The following PCYOX1 variants were observed in gnomAD, a reference collection of about 807,000 sequenced individuals.
PCYOX1 encodes prenylcysteine lyase.
In PCYOX1, 46 loss-of-function variants were observed where a neutral mutation model predicts 46.4. The observed-to-expected ratio is 0.99, with a 90% confidence interval of 0.78 to 1.27. The LOEUF is 1.27. Ranked by LOEUF, PCYOX1 falls within the 50% of genes most tolerant of loss-of-function variation. The pLI, the probability that PCYOX1 is intolerant of heterozygous loss-of-function variation, is 0.00. For missense variants in PCYOX1, 658 were observed against 628.3 expected, an observed-to-expected ratio of 1.05 and a Z score of -0.51; for synonymous variants, 220 against 231.8, an observed-to-expected ratio of 0.95 and a Z score of 0.46.
Position 70,279,157 on chromosome 2 carries a change from AC to A in PCYOX1, c.*1766del, listed in dbSNP as rs1696728042. 6.6e-6 allele frequency: 1 copy of A among 152,044 alleles called. No individual in the cohort carries two copies. Among genetic ancestry groups the A allele is most frequent in the Non-Finnish European group, 1.5e-5 (1 of 68,008 alleles). The allele number at this position is 152,044 out of a possible 1,614,324, so 9.4% of individuals were successfully genotyped here. On this transcript the variant is annotated 3_prime_UTR_variant, in exon 6 of 6. Coordinates refer to ENST00000433351, the MANE Select transcript of PCYOX1 (RefSeq NM_016297.4). ...CCTTCATCAGATCATGGCATTAGCT[AC>A]TTTAGCAAAATAGTGTAAACTTTGG...
At chr2:70,270,946 C>T (rs558326972) in intron 3 of PCYOX1, among the ~76,000 whole-genome samples, 2 of 152,254 alleles carry the variant, frequency 1.3e-5, no homozygotes, top group South Asian at 2.1e-4. Context: ...AGGCTGGTCT[C>T]GAACTCCTGA....
rs1696765511 is a variant in PCYOX1 at position 70,280,979 on chromosome 2, T to C, written c.*3587T>C. The C allele has an allele frequency of 6.6e-6, 1 of 152,216 alleles. No individual in the cohort carries two copies. Among genetic ancestry groups the C allele is most frequent in the African/African-American group, 2.4e-5 (1 of 41,452 alleles). The allele number at this position is 152,216 out of a possible 1,614,324, so 9.4% of individuals were successfully genotyped here. On this transcript the variant is annotated 3_prime_UTR_variant, in exon 6 of 6. Transcript: ENST00000433351. ...ATTAGGTTTATAATACAACCATCTG[T>C]AATGTATCTCTCGTTTGAGCTTGTG...
At chr2:70,269,024 G>T (rs928269662) in intron 3 of PCYOX1, among the ~76,000 whole-genome samples, 1 of 151,994 alleles carries the variant, frequency 6.6e-6, no homozygotes, top group Non-Finnish European at 1.5e-5. Flanking sequence ...CTAATACACT[G>T]TTGTCATTTT....
At chr2:70,266,392 T>G (rs566611298) in intron 3 of PCYOX1, among the ~76,000 whole-genome samples, 124 of 152,166 alleles carry the variant, frequency 8.1e-4, no homozygotes, top group Non-Finnish European at 1.5e-3. Flanking sequence ...ACCAGCCTTG[T>G]GCACACCTTG....
chr2:70,273,855 T>C (rs1346914701), intron 3 of PCYOX1, among the ~76,000 whole-genome samples: 1 of 152,220 alleles, frequency 6.6e-6, no homozygotes, highest in East Asian at 1.9e-4. Context: ...ATCTAATTGT[T>C]GAATGAGTGG....
Position 70,276,939 on chromosome 2 carries a change from T to G in PCYOX1, c.1065T>G (p.Ser355=), listed in dbSNP as rs1559038211. 1.2e-6 allele frequency: 2 copies of G among 1,611,906 alleles called. No individual in the cohort carries two copies. Among genetic ancestry groups the G allele is most frequent in the Non-Finnish European group, 1.7e-6 (2 of 1,177,986 alleles). ...TAGTTAAGGGGGAATTGAATACATC[T>G]ATCTTTAGCTCTAGACCCATAGATA... ...TTLVKGELNT[S]IFSSRPIDKF... Residue 355 remains serine (S), a synonymous_variant, in exon 6 of 6, where the codon TCT becomes TCG. Transcript: ENST00000433351.
chr2:70,273,518 T>A (rs997511232), intron 3 of PCYOX1, among the ~76,000 whole-genome samples: 2 of 152,240 alleles, frequency 1.3e-5, no homozygotes, highest in Non-Finnish European at 2.9e-5. Flanking sequence ...AAAAACTTGA[T>A]GTGAAAGTTT....
At position 70,280,522 on chromosome 2, in the gene PCYOX1, T is replaced by C. The variant is rs561271733; in HGVS notation, c.*3130T>C. On this transcript the variant is annotated 3_prime_UTR_variant, in exon 6 of 6. Transcript: ENST00000433351. The stretch of plus-strand genomic sequence containing the variant: ...CCCTGTTTATTCAATAAGTTTGTTA[T>C]GGGATATAAGAAGATGCATTTTATT... The C allele has an allele frequency of 1.6e-4, 25 of 152,328 alleles. No homozygotes were observed. Among genetic ancestry groups the C allele is most frequent in the African/African-American group, 6.0e-4 (25 of 41,586 alleles). The allele number at this position is 152,328 out of a possible 1,614,324, so 9.4% of individuals were successfully genotyped here. A position where few individuals can be genotyped will look rare whatever the true frequency, so the allele number is the denominator to read the frequency against.
chr2:70,275,754 C>T, intron 5 of PCYOX1, 88 bp downstream of exon 5: 1 of 1,237,942 alleles, frequency 8.1e-7, no homozygotes, highest in South Asian at 1.3e-5. Context: ...ATCTCTTACT[C>T]AGTTCTAAAA....
chr2:70,259,675 G>A, intron 2 of PCYOX1, 109 bp downstream of exon 2: 1 of 825,104 alleles, frequency 1.2e-6, no homozygotes, highest in Non-Finnish European at 2.0e-6. Context: ...TTACAGAGAC[G>A]TTGGTAAAAC....
chr2:70,258,696 AGGGAGGAGTG>A (rs1270297685), intron 1 of PCYOX1, among the ~76,000 whole-genome samples: 1 of 152,226 alleles, frequency 6.6e-6, no homozygotes, highest in Non-Finnish European at 1.5e-5. Flanking sequence ...GGCACAGCAC[AGGGAGGAGTG>A]CAAACAAGTT....
Position 70,265,537 on chromosome 2 carries a change from C to T in PCYOX1, c.494+4151C>T, listed in dbSNP as rs955484198. ...AGTCCAACCTCTTATCTCACTTTTT[C>T]AGCAAAGCATTTCCTTAATGCTTCA... On this transcript the variant is annotated intron_variant, in intron 3 of 5. Coordinates refer to ENST00000433351, the MANE Select transcript of PCYOX1 (RefSeq NM_016297.4). 2.6e-5 allele frequency among the ~76,000 whole-genome samples: 4 copies of T among 152,286 alleles called. No individual in the cohort carries two copies. The South Asian group carries it at 8.3e-4, about 32-fold the overall frequency.
In PCYOX1 at chr2:70,275,558, GA is replaced by G; in HGVS notation, c.753del (p.Gly252ValfsTer23). On this transcript the variant is annotated frameshift_variant, in exon 5 of 6. Transcript: ENST00000433351. LOFTEE classifies it high-confidence loss of function. Reference protein sequence around the residue: ...SCSDSGLWAVEGGNKLVCSGL... With the variant: ...SCSDSGLWAVXGGNKLVCSGL... ...TTCTGATTCTGGCCTTTGGGCAGTA[GA>G]AGGTGGCAATAAACTTGTTTGCTCA... 1 of 1,614,160 alleles carries G rather than the reference GA, an allele frequency of 6.2e-7. No individual in the cohort carries two copies. The highest frequency in any genetic ancestry group is 8.5e-7 in the Non-Finnish European group (1 of 1,180,012).
At chr2:70,261,814 A>G (rs1696444749) in intron 3 of PCYOX1, among the ~76,000 whole-genome samples, 1 of 152,026 alleles carries the variant, frequency 6.6e-6, no homozygotes, top group Non-Finnish European at 1.5e-5. Context: ...CTTAATCTCT[A>G]TGCTGTGCTG....
chr2:70,276,593 A>T (rs776295813), intron 5 of PCYOX1, 141 bp from the exon 6 acceptor site: 81 of 563,914 alleles, frequency 1.4e-4, no homozygotes, highest in Non-Finnish European at 2.5e-5. Flanking sequence ...ATGTAATAAA[A>T]ATGCAAGGGA....
chr2:70,277,716 G>C lies in PCYOX1; in HGVS notation c.*324G>C, dbSNP rs1268973779. On this transcript the variant is annotated 3_prime_UTR_variant, in exon 6 of 6. Transcript: ENST00000433351. ...CAATCTCACCATTGCACTTCAGCCT[G>C]AGCAACACGAGCAAAACTCCGTCTC... The C allele has an allele frequency of 1.0e-5, 2 of 199,754 alleles. No individual in the cohort carries two copies. Among genetic ancestry groups the C allele is most frequent in the Non-Finnish European group, 2.0e-5 (2 of 99,450 alleles). The allele number at this position is 199,754 out of a possible 1,614,324, so 12.4% of individuals were successfully genotyped here.
intron 3 of PCYOX1, among the ~76,000 whole-genome samples, chr2:70,263,108 C>T (rs1696464055): frequency 6.6e-6 from 1 of 151,934 alleles, no homozygotes; most frequent in Non-Finnish European, 1.5e-5. Context: ...GTGGTGCATG[C>T]CTGTAATCCC....
chr2:70,269,889 T>C (rs1161302314), intron 3 of PCYOX1, among the ~76,000 whole-genome samples: 1 of 152,234 alleles, frequency 6.6e-6, no homozygotes, highest in Non-Finnish European at 1.5e-5. Context: ...TTTTGGGAGC[T>C]ACAAACTCGT....
chr2:70,268,272 TCACTC>T (rs1046681201), intron 3 of PCYOX1, among the ~76,000 whole-genome samples: 1 of 152,144 alleles, frequency 6.6e-6, no homozygotes, highest in African/African-American at 2.4e-5. Context: ...GCTCATCACA[TCACTC>T]CACTAACTCA....
Sources: gnomAD v4.1 joint callset for allele counts (sites outside exome capture counted in the v4.1 genomes callset) on GRCh38, gnomAD v4.1.1 for gene constraint, MANE v1.5 for transcripts, NCBI Gene and HGNC (gene_info 2026-07-23, HGNC 2026-07-21) for gene names.